SYNPR: variants seen among roughly 807,000 people sequenced by gnomAD.
SYNPR encodes synaptoporin.
SYNPR carries 23 observed loss-of-function variants against 32.9 expected under a neutral mutation model. The observed-to-expected ratio is 0.70, with a 90% confidence interval of 0.50 to 0.99. The LOEUF (loss-of-function observed/expected upper bound fraction) is 0.99. SYNPR is among the 50% of genes least tolerant of loss of function. The probability of loss-of-function intolerance (pLI) is 0.00; values close to 1 mark genes in which losing one functional copy is unlikely to be tolerated. For synonymous variants in SYNPR, 146 were observed against 135.9 expected (o/e 1.07, Z -0.52); for missense variants, 318 against 349.3 (o/e 0.91, Z 0.71).
chr3:63,598,036 T>C (rs1228807344), intron 4 of SYNPR, among the ~76,000 whole-genome samples: 2 of 152,208 alleles, frequency 1.3e-5, no homozygotes, highest in Non-Finnish European at 2.9e-5. Flanking sequence ...AGAGTGACTC[T>C]CTGAACTGTC....
chr3:63,270,953 CCTTCCTTCCTTCCTTCTTTT>C (rs2086531218), intron 3 of SYNPR, among the ~76,000 whole-genome samples: 1 of 17,602 alleles, frequency 5.7e-5, no homozygotes, highest in African/African-American at 1.7e-4. Context: ...TTCTTTTCTT[CCTTCCTTCCTTCCTTCTTTT>C]CTTCCTTCCT....
At chr3:63,238,119 G>A (rs1425547684) in intron 1 of SYNPR, among the ~76,000 whole-genome samples, 1 of 152,054 alleles carries the variant, frequency 6.6e-6, no homozygotes, top group Non-Finnish European at 1.5e-5. Context: ...TGAGGGGCAT[G>A]ACACCCTGGT....
chr3:63,464,178 C>T (rs1024505167), intron 2 of SYNPR, among the ~76,000 whole-genome samples: 2 of 152,144 alleles, frequency 1.3e-5, no homozygotes, highest in African/African-American at 2.4e-5. Flanking sequence ...TTTTTATTTA[C>T]TTTCTGCAAA....
chr3:63,309,314 C>T (rs76402962), intron 2 of SYNPR, among the ~76,000 whole-genome samples: 5,890 of 151,938 alleles, frequency 0.039, 349 homozygotes, highest in African/African-American at 0.13. Flanking sequence ...TATTTTGCTT[C>T]TGGATCAATT....
chr3:63,203,117 C>G, the SYNPR span: 1 of 114,788 alleles, frequency 8.7e-6, no homozygotes. Flanking sequence ...ACGTTTAAGT[C>G]TTGGGTGAGT....
chr3:63,584,617 G>T (rs1703150454), intron 4 of SYNPR, among the ~76,000 whole-genome samples: 1 of 152,098 alleles, frequency 6.6e-6, no homozygotes, highest in African/African-American at 2.4e-5. Flanking sequence ...TAAGTGAGAA[G>T]CTGGGTTGAA....
intron 3 of SYNPR, among the ~76,000 whole-genome samples, chr3:63,540,875 C>A (rs1474697978): frequency 1.4e-5 from 2 of 147,104 alleles, no homozygotes. Context: ...TGTGAAATTT[C>A]ACCTCCTATC....
intron 2 of SYNPR, among the ~76,000 whole-genome samples, chr3:63,445,856 A>G (rs1700267853): frequency 1.3e-5 from 2 of 152,242 alleles, no homozygotes; most frequent in South Asian, 2.1e-4. Flanking sequence ...ATTTCCAGGG[A>G]CCTATAGTTA....
At chr3:63,450,013 A>G (rs1416334230) in intron 2 of SYNPR, among the ~76,000 whole-genome samples, 2 of 152,240 alleles carry the variant, frequency 1.3e-5, no homozygotes, top group Middle Eastern at 3.4e-3. Context: ...TTTCATGGGG[A>G]AAAAGGTAAG....
chr3:63,607,151 A>G (rs539645271), intron 4 of SYNPR, among the ~76,000 whole-genome samples: 1 of 152,288 alleles, frequency 6.6e-6, no homozygotes, highest in Admixed American at 6.5e-5. Context: ...CCATCATACT[A>G]TAGGTAATGC....
At chr3:63,368,297 C>T (rs2087751965) in intron 2 of SYNPR, among the ~76,000 whole-genome samples, 1 of 152,100 alleles carries the variant, frequency 6.6e-6, no homozygotes, top group African/African-American at 2.4e-5. Flanking sequence ...AATGAGTGAC[C>T]AGTGGTAATG....
At chr3:63,395,208 C>G (rs2088196072) in intron 2 of SYNPR, among the ~76,000 whole-genome samples, 1 of 152,102 alleles carries the variant, frequency 6.6e-6, no homozygotes, top group Non-Finnish European at 1.5e-5. Flanking sequence ...TCTTCTCTGC[C>G]TAAACCAAAA....
intron 4 of SYNPR, among the ~76,000 whole-genome samples, chr3:63,594,112 C>T (rs866051845): frequency 3.2e-4 from 48 of 152,154 alleles, no homozygotes; most frequent in African/African-American, 1.1e-3. Flanking sequence ...AAACTAACAG[C>T]TACTTCGCAG....
intron 2 of SYNPR, among the ~76,000 whole-genome samples, chr3:63,318,414 C>T (rs375811314): frequency 1.3e-5 from 2 of 151,950 alleles, no homozygotes; most frequent in East Asian, 3.9e-4. Flanking sequence ...GGTCATTTAA[C>T]ATAATCCCAG....
At position 63,480,948 on chromosome 3, in the gene SYNPR, C is replaced by CATAGCGTTTGCCTTT; in HGVS notation, c.201_202insATAGCGTTTGCCTTT (p.Tyr67_Pro68insIleAlaPheAlaPhe). ...TCAGCATCGACATAGCGTTTGCCTACCCATTCAGGTAGGGAATGGTGGTTC... is the reference window on the plus strand; with the variant it reads ...TCAGCATCGACATAGCGTTTGCCTACATAGCGTTTGCCTTTCCATTCAGGTAGGGAATGGTGGTTC... On this transcript the variant is annotated inframe_insertion, in exon 3 of 6. Coordinates refer to ENST00000478300, the MANE Select transcript of SYNPR (RefSeq NM_001130003.2). The CATAGCGTTTGCCTTT allele has an allele frequency of 6.2e-7, 1 of 1,612,034 alleles. No homozygotes were observed. Among genetic ancestry groups the CATAGCGTTTGCCTTT allele is most frequent in the Non-Finnish European group, 8.5e-7 (1 of 1,178,664 alleles).
the SYNPR span, among the ~76,000 whole-genome samples, chr3:63,203,001 A>G: frequency 6.7e-6 from 1 of 148,796 alleles, no homozygotes; most frequent in African/African-American, 2.5e-5. Flanking sequence ...CTAATTGGGT[A>G]GCTATTTTGG....
intron 2 of SYNPR, among the ~76,000 whole-genome samples, chr3:63,472,655 G>A (rs1299561812): frequency 6.6e-6 from 1 of 152,086 alleles, no homozygotes; most frequent in Non-Finnish European, 1.5e-5. Flanking sequence ...GCTGAAGCAT[G>A]GTCCTGTTGG....
At chr3:63,344,790 T>G (rs1325162581) in intron 2 of SYNPR, among the ~76,000 whole-genome samples, 1 of 151,896 alleles carries the variant, frequency 6.6e-6, no homozygotes, top group African/African-American at 2.4e-5. Flanking sequence ...CCCACAGAGC[T>G]CCGAGGCTAG....
intron 3 of SYNPR, among the ~76,000 whole-genome samples, chr3:63,523,396 C>G (rs1177201517): frequency 6.6e-6 from 1 of 152,142 alleles, no homozygotes; most frequent in Admixed American, 6.5e-5. Flanking sequence ...GTCCTCCAAG[C>G]AGGGTCACCG....
Sources: gnomAD v4.1 joint callset for allele counts (sites outside exome capture counted in the v4.1 genomes callset) on GRCh38, gnomAD v4.1.1 for gene constraint, MANE v1.5 for transcripts, NCBI Gene and HGNC (gene_info 2026-07-23, HGNC 2026-07-21) for gene names.